Variants in LRRC69 observed in about 807,000 individuals in gnomAD.
LRRC69 encodes the protein leucine-rich repeat-containing protein 69.
Under a neutral mutation model 37.8 loss-of-function variants are expected in LRRC69, and 42 were observed. That is an observed-to-expected ratio of 1.11 (90% confidence interval 0.87 to 1.44). The LOEUF (loss-of-function observed/expected upper bound fraction) is 1.44. LRRC69 is among the 40% of genes most tolerant of loss of function. The probability of loss-of-function intolerance (pLI) is 0.00; values close to 1 mark genes in which losing one functional copy is unlikely to be tolerated. For missense variants in LRRC69, 357 were observed against 401.9 expected (o/e 0.89, Z 0.96); for synonymous variants, 141 against 143.1 (o/e 0.99, Z 0.11).
downstream of LRRC69, chr8:91,219,251 C>T (rs888919015): frequency 6.8e-6 from 2 of 292,722 alleles, no homozygotes; most frequent in Admixed American, 5.1e-5. Context: ...ATTTGTGTGG[C>T]AAGTGAGTTA....
chr8:91,189,118 AGAGGTT>A (rs1809450324), intron 5 of LRRC69, among the ~76,000 whole-genome samples: 1 of 152,196 alleles, frequency 6.6e-6, no homozygotes, highest in South Asian at 2.1e-4. Flanking sequence ...TTTGAGATCT[AGAGGTT>A]GGTGTATGTT....
At chr8:91,147,794 A>G (rs1018288259) in intron 5 of LRRC69, among the ~76,000 whole-genome samples, 1 of 151,674 alleles carries the variant, frequency 6.6e-6, no homozygotes, top group Non-Finnish European at 1.5e-5. Context: ...GGTTTGCTGT[A>G]CCTATCAACC....
exon 7 of LRRC69, chr8:91,200,773 G>T (rs976516885): frequency 1.3e-6 from 2 of 1,531,072 alleles, no homozygotes; most frequent in Admixed American, 2.2e-5. Context: ...GAATGTGTTC[G>T]ATTTGTTCCT....
At chr8:91,140,628 T>C (rs1808515601) in intron 5 of LRRC69, among the ~76,000 whole-genome samples, 1 of 151,298 alleles carries the variant, frequency 6.6e-6, no homozygotes, top group African/African-American at 2.4e-5. Context: ...ATGAATATTC[T>C]TCAATATGTG....
At chr8:91,114,979 C>T (rs1295967390) in intron 1 of LRRC69, among the ~76,000 whole-genome samples, 3 of 151,852 alleles carry the variant, frequency 2.0e-5, no homozygotes, top group African/African-American at 4.8e-5. Context: ...TTCATTTATA[C>T]ATGGAATATA....
intron 7 of LRRC69, among the ~76,000 whole-genome samples, chr8:91,204,121 CAA>C (rs768420210): frequency 2.2e-3 from 115 of 52,418 alleles, no homozygotes; most frequent in Middle Eastern, 0.011. Context: ...GACTCCATCT[CAA>C]AAAAAAAAAA....
intron 1 of LRRC69, chr8:91,118,088 A>G (rs55762572): frequency 0.53 from 229,860 of 437,694 alleles, 64,017 homozygotes; most frequent in South Asian, 0.64. Flanking sequence ...ATACTAAAAA[A>G]TTAAATATAG....
chr8:91,194,160 C>T (rs1253523549), intron 6 of LRRC69, among the ~76,000 whole-genome samples: 49 of 124,400 alleles, frequency 3.9e-4, no homozygotes, highest in Admixed American at 1.3e-3. Flanking sequence ...TATTGATTTG[C>T]GTATATTGAA....
At position 91,206,691 on chromosome 8, in the gene LRRC69, A is replaced by G. The variant is rs1311272379; in HGVS notation, c.933+5899A>G. The stretch of plus-strand genomic sequence containing the variant: ...TACTCTTATTTCATGTCTCTCTTTC[A>G]GAAACTACAACCTAATACAAGCAAC... On this transcript the variant is annotated intron_variant, in intron 7 of 7. Coordinates refer to ENST00000448384, the Ensembl canonical transcript of LRRC69. 6 of 1,289,258 alleles carry G rather than the reference A, an allele frequency of 4.7e-6. 1 individual carries two copies. The highest frequency in any genetic ancestry group is 6.1e-6 in the Non-Finnish European group (6 of 988,698). 79.9% of individuals were successfully genotyped at this position (1,289,258 alleles called of 1,614,324 possible).
At chr8:91,196,079 T>C (rs1176922380) in intron 6 of LRRC69, among the ~76,000 whole-genome samples, 1 of 152,100 alleles carries the variant, frequency 6.6e-6, no homozygotes, top group East Asian at 1.9e-4. Flanking sequence ...GTCTGTAAAG[T>C]ATTTTATTTC....
chr8:91,131,152 T>C (rs1381749512), intron 3 of LRRC69, among the ~76,000 whole-genome samples: 1 of 152,006 alleles, frequency 6.6e-6, no homozygotes, highest in Admixed American at 6.6e-5. Flanking sequence ...TCAGGTAAAG[T>C]GAGTCTTTTG....
intron 7 of LRRC69, among the ~76,000 whole-genome samples, chr8:91,206,095 G>A (rs1414177850): frequency 9.9e-5 from 15 of 152,200 alleles, no homozygotes; most frequent in Admixed American, 8.5e-4. Flanking sequence ...CCTTTATAGA[G>A]AGAGAGCTTC....
rs375724327 is a variant in LRRC69 at position 91,183,974 on chromosome 8, A to G, written c.652-5548A>G. Among the ~76,000 whole-genome samples the G allele has an allele frequency of 7.9e-5, 12 of 152,226 alleles. No individual in the cohort carries two copies. The East Asian group carries it at 2.3e-3, about 29-fold the overall frequency. On this transcript the variant is annotated intron_variant, in intron 5 of 7. Transcript: ENST00000448384. ...ACCATTCATTTTTTTTAAACATAGA[A>G]AAGGGTTTCTTAAAAAAAAATTGAG...
chr8:91,147,981 T>C (rs558861923), intron 5 of LRRC69, among the ~76,000 whole-genome samples: 2 of 151,876 alleles, frequency 1.3e-5, no homozygotes, highest in South Asian at 4.1e-4. Context: ...GTTCCTGGGT[T>C]AATTTGCTGA....
intron 1 of LRRC69, among the ~76,000 whole-genome samples, chr8:91,113,783 G>A (rs569829517): frequency 6.6e-6 from 1 of 151,532 alleles, no homozygotes; most frequent in East Asian, 1.9e-4. Context: ...CTACAGAATG[G>A]GAGAAAATAT....
intron 5 of LRRC69, among the ~76,000 whole-genome samples, chr8:91,168,564 G>A (rs1382069328): frequency 6.6e-6 from 1 of 151,854 alleles, no homozygotes; most frequent in African/African-American, 2.4e-5. Flanking sequence ...AGAATTAGCA[G>A]CCATTTGGGA....
intron 1 of LRRC69, among the ~76,000 whole-genome samples, chr8:91,115,451 C>T (rs570043154): frequency 1.3e-5 from 2 of 152,038 alleles, no homozygotes; most frequent in Non-Finnish European, 2.9e-5. Flanking sequence ...GGATTTTTGT[C>T]ACAGCAGGAT....
At chr8:91,142,226 G>A (rs1808544098) in intron 5 of LRRC69, among the ~76,000 whole-genome samples, 1 of 151,886 alleles carries the variant, frequency 6.6e-6, no homozygotes, top group African/African-American at 2.4e-5. Flanking sequence ...CATGAGTTTT[G>A]TGTTTGATGT....
In LRRC69 at chr8:91,189,571, TCCTGCAGCAG is replaced by T; in HGVS notation, c.704_713del (p.Leu235GlnfsTer2). On this transcript the variant is annotated frameshift_variant, in exon 6 of 8. Transcript: ENST00000448384. LOFTEE classifies it high-confidence loss of function. The stretch of plus-strand genomic sequence containing the variant: ...TTCTACTGTGAGGGAAACCCACTGT[TCCTGCAGCAG>T]CCAGTGATTTCTACACAGCAGGAGA... The T allele has an allele frequency of 6.4e-7, 1 of 1,551,242 alleles. No homozygotes were observed. Among genetic ancestry groups the T allele is most frequent in the Non-Finnish European group, 8.7e-7 (1 of 1,146,638 alleles).
Sources: allele counts gnomAD v4.1 joint callset (sites outside exome capture counted in the v4.1 genomes callset), GRCh38; gene constraint gnomAD v4.1.1; transcripts MANE v1.5; gene names NCBI Gene and HGNC (gene_info 2026-07-23, HGNC 2026-07-21).